STPG2: variants seen among roughly 807,000 people sequenced by gnomAD.
STPG2 encodes the protein sperm-tail PG-rich repeat-containing protein 2.
A neutral mutation model predicts 54.2 loss-of-function variants in STPG2; 56 were observed. The ratio of observed to expected loss-of-function variants is 1.03; its 90% CI spans 0.83 to 1.29. STPG2 has a LOEUF of 1.29. STPG2 is among the 50% of genes most tolerant of loss of function. The pLI is 0.00. For synonymous variants in STPG2, 200 were observed against 181.8 expected (o/e 1.10, Z -0.81); for missense variants, 596 against 544.9 (o/e 1.09, Z -0.93).
intron 5 of STPG2, among the ~76,000 whole-genome samples, chr4:98,015,107 G>A (rs765743157): frequency 6.6e-6 from 1 of 152,148 alleles, no homozygotes; most frequent in East Asian, 1.9e-4. Context: ...AAAAACCCAA[G>A]AAGAAAACCT....
intron 10 of STPG2, among the ~76,000 whole-genome samples, chr4:97,634,399 G>A (rs149573298): frequency 0.017 from 2,631 of 152,224 alleles, 68 homozygotes; most frequent in African/African-American, 0.059. Flanking sequence ...GGAAAAAACA[G>A]AACAGAAAAA....
At chr4:98,110,586 C>T (rs1455049243) in intron 3 of STPG2, among the ~76,000 whole-genome samples, 2 of 152,138 alleles carry the variant, frequency 1.3e-5, no homozygotes, top group Non-Finnish European at 2.9e-5. Context: ...TGCCAACATA[C>T]AAAACCCAAA....
intron 10 of STPG2, among the ~76,000 whole-genome samples, chr4:97,647,238 T>C (rs919624593): frequency 6.6e-6 from 1 of 152,134 alleles, no homozygotes; most frequent in African/African-American, 2.4e-5. Context: ...GCCATTTAAG[T>C]TATAAATAAG....
chr4:97,940,164 C>T lies in STPG2; in HGVS notation c.1044+3733G>A, dbSNP rs557850461. 1.9e-4 allele frequency among the ~76,000 whole-genome samples: 29 copies of T among 151,736 alleles called. No homozygotes were observed. In the South Asian group the frequency reaches 5.6e-3, roughly 29 times the overall value. ...GGTTTATAGGGTTTCAGCTGAGAGT[C>T]GGCTGTTAGCCTCATAGAGATCCCT... On this transcript the variant is annotated intron_variant, in intron 8 of 10. Coordinates refer to ENST00000295268, the MANE Select transcript of STPG2 (RefSeq NM_174952.3).
intron 3 of STPG2, among the ~76,000 whole-genome samples, chr4:98,112,233 T>C (rs1739385873): frequency 6.6e-6 from 1 of 152,102 alleles, no homozygotes; most frequent in Non-Finnish European, 1.5e-5. Flanking sequence ...TAACACCATA[T>C]ATTTATTGTT....
chr4:97,510,022 G>A lies in STPG2; in HGVS notation c.462+202677C>T, dbSNP rs111453498. On this transcript the variant is annotated intron_variant, in intron 4 of 4. Transcript: ENST00000522676. ...CTGACACCTGGTGCCAAAAGATTGG[G>A]GACCACTGCTCTAGGCTATAGAGTT... Among the ~76,000 whole-genome samples the A allele has an allele frequency of 4.8e-3, 733 of 152,090 alleles. 4 individuals are homozygous for A. The highest frequency in any genetic ancestry group is 0.02 in the Middle Eastern group (6 of 294).
chr4:97,587,102 A>C (rs1002847809), intron 10 of STPG2, among the ~76,000 whole-genome samples: 1 of 152,024 alleles, frequency 6.6e-6, no homozygotes, highest in East Asian at 1.9e-4. Context: ...TAATTCACTC[A>C]TCTTAATATG....
intron 9 of STPG2, among the ~76,000 whole-genome samples, chr4:97,772,285 G>A (rs935466235): frequency 2.2e-4 from 33 of 152,240 alleles, no homozygotes; most frequent in African/African-American, 7.9e-4. Flanking sequence ...AATTCACTAT[G>A]TGTAACATAT....
intron 10 of STPG2, among the ~76,000 whole-genome samples, chr4:97,601,460 C>T (rs1733459325): frequency 6.6e-6 from 1 of 151,834 alleles, no homozygotes; most frequent in African/African-American, 2.4e-5. Flanking sequence ...TTGCATATGG[C>T]ATGTTGTAAA....
At chr4:97,886,688 T>C (rs1229670827) in intron 8 of STPG2, among the ~76,000 whole-genome samples, 1 of 152,220 alleles carries the variant, frequency 6.6e-6, no homozygotes, top group Non-Finnish European at 1.5e-5. Flanking sequence ...GCTTTTTAGG[T>C]AATTACTTTC....
At chr4:98,116,597 AC>A (rs1219294496) in intron 3 of STPG2, among the ~76,000 whole-genome samples, 1 of 151,856 alleles carries the variant, frequency 6.6e-6, no homozygotes, top group East Asian at 1.9e-4. Flanking sequence ...ACAGAATTGA[AC>A]CTATTGTTCA....
chr4:97,860,812 G>A (rs1729506754), intron 8 of STPG2, among the ~76,000 whole-genome samples: 1 of 152,054 alleles, frequency 6.6e-6, no homozygotes, highest in South Asian at 2.1e-4. Flanking sequence ...CAACTACTAT[G>A]TGGAATAGAA....
intron 8 of STPG2, among the ~76,000 whole-genome samples, chr4:97,842,041 A>G (rs920435881): frequency 1.3e-4 from 19 of 151,986 alleles, no homozygotes; most frequent in Admixed American, 1.2e-3. Flanking sequence ...CTGAGAAAGC[A>G]TACTTTTGAA....
intron 5 of STPG2, among the ~76,000 whole-genome samples, chr4:98,021,038 A>G (rs1222280315): frequency 6.6e-6 from 1 of 152,002 alleles, no homozygotes; most frequent in African/African-American, 2.4e-5. Context: ...CTCTGATTTT[A>G]GTTATTTCTT....
At chr4:97,742,027 T>A (rs1259417249) in intron 9 of STPG2, among the ~76,000 whole-genome samples, 2 of 152,052 alleles carry the variant, frequency 1.3e-5, no homozygotes, top group Non-Finnish European at 2.9e-5. Flanking sequence ...TGGAATACAA[T>A]GCAGCCATAC....
At chr4:97,632,571 C>A (rs750262144) in intron 10 of STPG2, among the ~76,000 whole-genome samples, 1 of 151,930 alleles carries the variant, frequency 6.6e-6, no homozygotes, top group Non-Finnish European at 1.5e-5. Context: ...TACATATACA[C>A]CAAATGCAGT....
At chr4:97,980,022 G>A (rs1734620628) in intron 6 of STPG2, among the ~76,000 whole-genome samples, 1 of 151,934 alleles carries the variant, frequency 6.6e-6, no homozygotes, top group Non-Finnish European at 1.5e-5. Context: ...CGTGCCAGGC[G>A]AAAATTTTTT....
chr4:98,075,862 T>G (rs1365512681), intron 5 of STPG2, among the ~76,000 whole-genome samples: 1 of 152,250 alleles, frequency 6.6e-6, no homozygotes, highest in Non-Finnish European at 1.5e-5. Flanking sequence ...TTATATTTTT[T>G]AGGGAGTTTA....
At chr4:97,800,966 T>C (rs977858522) in intron 9 of STPG2, among the ~76,000 whole-genome samples, 4 of 152,194 alleles carry the variant, frequency 2.6e-5, no homozygotes, top group African/African-American at 9.7e-5. Flanking sequence ...TCCGTGGGCA[T>C]GGGACCCTCC....
Sources: gnomAD v4.1 joint callset for allele counts (sites outside exome capture counted in the v4.1 genomes callset) on GRCh38, gnomAD v4.1.1 for gene constraint, MANE v1.5 for transcripts, NCBI Gene and HGNC (gene_info 2026-07-23, HGNC 2026-07-21) for gene names.